Variants in CCL28 observed in about 807,000 individuals in gnomAD.
CCL28 encodes C-C motif chemokine ligand 28.
A neutral mutation model predicts 7.1 loss-of-function variants in CCL28; 4 were observed. The ratio of observed to expected loss-of-function variants is 0.56; its 90% CI spans 0.28 to 1.29. The LOEUF (loss-of-function observed/expected upper bound fraction) is 1.29, where lower values mean the gene tolerates loss of function less well. Ranked by LOEUF, CCL28 falls within the 50% of genes most tolerant of loss-of-function variation. The pLI, the probability that CCL28 is intolerant of heterozygous loss-of-function variation, is 0.11. For synonymous variants in CCL28, 55 were observed against 57.8 expected, an observed-to-expected ratio of 0.95 and a Z score of 0.22; for missense variants, 151 against 163.4, an observed-to-expected ratio of 0.92 and a Z score of 0.41.
the CCL28 span, among the ~76,000 whole-genome samples, chr5:43,370,074 T>C: frequency 3.1e-4 from 47 of 152,332 alleles, no homozygotes; most frequent in South Asian, 5.4e-3. Flanking sequence ...AGTGCAGCCA[T>C]CTTGGACTTT....
At chr5:43,405,224 C>A (rs1406751293) in intron 1 of CCL28, among the ~76,000 whole-genome samples, 1 of 152,188 alleles carries the variant, frequency 6.6e-6, no homozygotes, top group East Asian at 1.9e-4. Context: ...CATCACATTG[C>A]ACTTATTCCA....
the CCL28 span, among the ~76,000 whole-genome samples, chr5:43,359,545 T>C: frequency 2.6e-5 from 4 of 152,222 alleles, no homozygotes; most frequent in Non-Finnish European, 5.9e-5. Context: ...GTGGGTGTCA[T>C]AGCCATCATG....
Position 43,400,995 on chromosome 5 carries a change from A to G in CCL28, c.64+11258T>C, listed in dbSNP as rs150495405. Among the ~76,000 whole-genome samples the G allele has an allele frequency of 1.5e-3, 230 of 152,104 alleles. No homozygotes were observed. The Middle Eastern group carries it at 0.017, about 11-fold the overall frequency. On this transcript the variant is annotated intron_variant, in intron 1 of 2. Transcript: ENST00000361115. Reference sequence around the variant, plus strand: ...CTACTCAGGAGGCTGAGACAGGAGAATCACTTGAACCTGGGAGGCAGAGGT... The same window carrying G: ...CTACTCAGGAGGCTGAGACAGGAGAGTCACTTGAACCTGGGAGGCAGAGGT...
At chr5:43,374,219 G>C (rs1478083988), downstream of CCL28, among the ~76,000 whole-genome samples, 1 of 152,216 alleles carries the variant, frequency 6.6e-6, no homozygotes, top group Admixed American at 6.5e-5. Context: ...GAAGAAAGGA[G>C]ATGCTGTACT....
chr5:43,386,831 AG>A (rs1180499047), intron 2 of CCL28, among the ~76,000 whole-genome samples: 3 of 152,242 alleles, frequency 2.0e-5, no homozygotes, highest in Non-Finnish European at 4.4e-5. Flanking sequence ...TTCAAATTCC[AG>A]AGATCATCTC....
At chr5:43,393,624 G>A (rs989725034) in intron 1 of CCL28, among the ~76,000 whole-genome samples, 2 of 152,142 alleles carry the variant, frequency 1.3e-5, no homozygotes, top group Non-Finnish European at 2.9e-5. Flanking sequence ...CAAAGTGCTG[G>A]GATTACAGGC....
rs1740042760 is a variant in CCL28, at chr5:43,380,065, G to A, written c.*1795C>T. The A allele has an allele frequency of 6.6e-6, 1 of 152,178 alleles. No individual in the cohort carries two copies. Among genetic ancestry groups the A allele is most frequent in the African/African-American group, 2.4e-5 (1 of 41,408 alleles). The allele number at this position is 152,178 out of a possible 1,614,324, so 9.4% of individuals were successfully genotyped here. A position where few individuals can be genotyped will look rare whatever the true frequency, so the allele number is the denominator to read the frequency against. ...GAACGCGGGAGGCGGAGGTTGCAAT[G>A]AGCCGAGATTGTGCCACTGCACTCC... On this transcript the variant is annotated 3_prime_UTR_variant, in exon 3 of 3. Coordinates refer to ENST00000361115, the MANE Select transcript of CCL28 (RefSeq NM_148672.3).
intron 1 of CCL28, 95 bp downstream of exon 1, chr5:43,412,158 A>G (rs1741557801): frequency 3.6e-6 from 3 of 824,034 alleles, no homozygotes; most frequent in Non-Finnish European, 5.5e-6. Flanking sequence ...GCTTGAAGAG[A>G]TAGATATTCT....
rs1410843994 is a variant in CCL28, at chr5:43,381,591, C to T, written c.*269G>A. 1.3e-5 allele frequency: 4 copies of T among 305,314 alleles called. No homozygotes were observed. The highest frequency in any genetic ancestry group is 4.4e-5 in the African/African-American group (2 of 45,910). 18.9% of individuals were successfully genotyped at this position (305,314 alleles called of 1,614,324 possible). ...CCCAGGCTGGTCTCAAACTCCTGGTCTCAAGTGATCCTCCTGCCTCAGCCT... is the reference window on the plus strand; with the variant it reads ...CCCAGGCTGGTCTCAAACTCCTGGTTTCAAGTGATCCTCCTGCCTCAGCCT... On this transcript the variant is annotated 3_prime_UTR_variant, in exon 3 of 3. Coordinates refer to ENST00000361115, the MANE Select transcript of CCL28 (RefSeq NM_148672.3).
At chr5:43,361,025 T>C in the CCL28 span, among the ~76,000 whole-genome samples, 4 of 152,152 alleles carry the variant, frequency 2.6e-5, no homozygotes, top group Non-Finnish European at 4.4e-5. Context: ...TTCCTCCCCA[T>C]GTGTTCTCAT....
chr5:43,403,712 G>A (rs536840871), intron 1 of CCL28, among the ~76,000 whole-genome samples: 5 of 152,088 alleles, frequency 3.3e-5, no homozygotes, highest in Admixed American at 1.3e-4. Context: ...AAACTACTCC[G>A]AGCTAAAGGA....
chr5:43,412,313 G>A lies in CCL28; in HGVS notation c.4C>T (p.Gln2Ter). M[Q>*]QRGLAIVALA... ...GCCACGATGGCGAGTCCTCTCTGCT[G>A]CATTCCTGCCTGCCCTACTGGCACT... Residue 2 changes from glutamine to a stop codon, truncating the protein, a stop_gained, in exon 1 of 3, where the codon CAG becomes TAG. Coordinates refer to ENST00000361115, the MANE Select transcript of CCL28 (RefSeq NM_148672.3). LOFTEE classifies it high-confidence loss of function. 6.2e-7 allele frequency: 1 copy of A among 1,612,312 alleles called. No homozygotes were observed. Among genetic ancestry groups the A allele is most frequent in the Non-Finnish European group, 8.5e-7 (1 of 1,179,238 alleles).
chr5:43,371,887 C>T (rs1411490912), downstream of CCL28, among the ~76,000 whole-genome samples: 1 of 152,214 alleles, frequency 6.6e-6, no homozygotes, highest in African/African-American at 2.4e-5. Flanking sequence ...TTAGTTGGCT[C>T]ACCATTTTGC....
In CCL28 at chr5:43,412,385, G is replaced by GC; in HGVS notation, c.-70_-69insG. 1 of 1,429,930 alleles carries GC rather than the reference G, an allele frequency of 7.0e-7. No individual in the cohort carries two copies. Among genetic ancestry groups the GC allele is most frequent in the South Asian group, 1.2e-5 (1 of 83,374 alleles). The allele number at this position is 1,429,930 out of a possible 1,614,324, so 88.6% of individuals were successfully genotyped here. A position where few individuals can be genotyped will look rare whatever the true frequency, so the allele number is the denominator to read the frequency against. ...GTTCGATCAGGAAATGAGGCTAAAGGTGTCCTTGGGCACAGAGAAAGTGCA... is the reference window on the plus strand; with the variant it reads ...GTTCGATCAGGAAATGAGGCTAAAGGCTGTCCTTGGGCACAGAGAAAGTGCA... On this transcript the variant is annotated 5_prime_UTR_variant, in exon 1 of 3. Coordinates refer to ENST00000361115, the MANE Select transcript of CCL28 (RefSeq NM_148672.3).
the CCL28 span, among the ~76,000 whole-genome samples, chr5:43,365,901 A>G: frequency 6.6e-6 from 1 of 151,908 alleles, no homozygotes; most frequent in Non-Finnish European, 1.5e-5. Flanking sequence ...GCTTTATTTC[A>G]TTGAGTTGAT....
rs761593376 is a variant in CCL28, at chr5:43,412,299, G to A, written c.18C>T (p.Leu6=). 2.2e-5 allele frequency: 35 copies of A among 1,612,794 alleles called. No individual in the cohort carries two copies. Among genetic ancestry groups the A allele is most frequent in the East Asian group, 1.6e-4 (7 of 44,870 alleles). MQQRG[L]AIVALAVCAA... is the part of the protein sequence containing the mutation. ...CACAGACAGCCAAGGCCACGATGGCGAGTCCTCTCTGCTGCATTCCTGCCT... is the reference window on the plus strand; with the variant it reads ...CACAGACAGCCAAGGCCACGATGGCAAGTCCTCTCTGCTGCATTCCTGCCT... The change falls in exon 1 of 3, where the codon CTC becomes CTT. Residue 6 remains leucine, a synonymous_variant. Coordinates refer to ENST00000361115, the MANE Select transcript of CCL28 (RefSeq NM_148672.3).
downstream of CCL28, among the ~76,000 whole-genome samples, chr5:43,372,208 T>C (rs977794527): frequency 2.6e-5 from 4 of 152,188 alleles, no homozygotes; most frequent in Non-Finnish European, 5.9e-5. Flanking sequence ...GGGGCAAACA[T>C]AGCTAACTGT....
downstream of CCL28, among the ~76,000 whole-genome samples, chr5:43,375,663 C>A (rs1273857175): frequency 2.0e-5 from 3 of 152,072 alleles, no homozygotes; most frequent in Non-Finnish European, 4.4e-5. Flanking sequence ...CTCAAGATTT[C>A]AAGTGACTGA....
downstream of CCL28, among the ~76,000 whole-genome samples, chr5:43,375,440 C>A (rs1579713722): frequency 1.3e-5 from 1 of 74,982 alleles, no homozygotes; most frequent in Non-Finnish European, 2.4e-5. Flanking sequence ...AAGCACCCAT[C>A]AGAAACAGAC....
Sources: gnomAD v4.1 joint callset for allele counts (sites outside exome capture counted in the v4.1 genomes callset) on GRCh38, gnomAD v4.1.1 for gene constraint, MANE v1.5 for transcripts, NCBI Gene and HGNC (gene_info 2026-07-23, HGNC 2026-07-21) for gene names.